FAM241A: variants seen among roughly 807,000 people sequenced by gnomAD.
FAM241A encodes the protein uncharacterized protein FAM241A.
Under a neutral mutation model 12.2 loss-of-function variants are expected in FAM241A, and 7 were observed. The observed-to-expected ratio is 0.58, with a 90% CI of 0.33 to 1.08. The LOEUF (loss-of-function observed/expected upper bound fraction) is 1.08. Among genes scored for constraint, FAM241A ranks in the 50% least tolerant of loss-of-function variants. The pLI is 0.04. For missense variants in FAM241A, 161 were observed against 169.7 expected (o/e 0.95, Z 0.29); for synonymous variants, 74 against 68.2 (o/e 1.08, Z -0.42).
chr4:112,151,350 AG>A (rs1169132336), intron 1 of FAM241A, among the ~76,000 whole-genome samples: 1 of 152,190 alleles, frequency 6.6e-6, no homozygotes, highest in African/African-American at 2.4e-5. Context: ...AGGAGATGCC[AG>A]CACTATGTTT....
At chr4:112,170,886 GAAAA>G (rs34674981) in intron 1 of FAM241A, among the ~76,000 whole-genome samples, 5 of 132,736 alleles carry the variant, frequency 3.8e-5, no homozygotes, top group Non-Finnish European at 4.8e-5. Flanking sequence ...TTAAAAATAG[GAAAA>G]AAAAAAAAAA....
chr4:112,178,742 T>C (rs932566041), intron 1 of FAM241A, among the ~76,000 whole-genome samples: 16 of 152,110 alleles, frequency 1.1e-4, no homozygotes, highest in African/African-American at 3.9e-4. Flanking sequence ...ACTATACATC[T>C]GACAGAGGTC....
intron 1 of FAM241A, chr4:112,171,275 C>A (rs904866179): frequency 2.7e-6 from 2 of 753,440 alleles, no homozygotes; most frequent in African/African-American, 3.4e-5. Context: ...AGCACCAACC[C>A]CACAAAATGA....
At chr4:112,162,663 C>T (rs7690225) in intron 1 of FAM241A, among the ~76,000 whole-genome samples, 14,000 of 152,066 alleles carry the variant, frequency 0.092, 779 homozygotes, top group African/African-American at 0.15. Flanking sequence ...TAAAAGAGGA[C>T]ACAACCAAAT....
At chr4:112,179,716 T>A (rs1241172446) in intron 1 of FAM241A, among the ~76,000 whole-genome samples, 1 of 135,352 alleles carries the variant, frequency 7.4e-6, no homozygotes, top group Non-Finnish European at 1.6e-5. Context: ...ATAAAATATA[T>A]ATATATATTA....
At chr4:112,162,277 C>T (rs1247631523) in intron 1 of FAM241A, among the ~76,000 whole-genome samples, 2 of 152,172 alleles carry the variant, frequency 1.3e-5, no homozygotes, top group Non-Finnish European at 2.9e-5. Context: ...TCTCACCACT[C>T]CTATTCAACA....
In FAM241A at chr4:112,193,191, G is replaced by C. The variant is rs1578383533; in HGVS notation, c.*6253G>C. The C allele has an allele frequency of 6.6e-6, 1 of 151,038 alleles. No individual in the cohort carries two copies. The highest frequency in any genetic ancestry group is 1.5e-5 in the Non-Finnish European group (1 of 67,508). The allele number at this position is 151,038 out of a possible 1,614,324, so 9.4% of individuals were successfully genotyped here. ...TGTCCTTTGCCCACTTTTTGATGGG[G>C]TTGTTTGTTTTTTTCTTGTAAATTT... On this transcript the variant is annotated 3_prime_UTR_variant, in exon 2 of 2. Transcript: ENST00000309733.
At chr4:112,149,904 TTTTA>T (rs1379525859) in intron 1 of FAM241A, among the ~76,000 whole-genome samples, 1 of 152,146 alleles carries the variant, frequency 6.6e-6, no homozygotes, top group Non-Finnish European at 1.5e-5. Context: ...TACTTTATAA[TTTTA>T]TTTATGTTTT....
At chr4:112,176,352 A>G (rs192358224) in intron 1 of FAM241A, among the ~76,000 whole-genome samples, 42 of 152,332 alleles carry the variant, frequency 2.8e-4, no homozygotes, top group African/African-American at 8.4e-4. Flanking sequence ...GTGCTTATTC[A>G]AAAAGGTTTT....
intron 1 of FAM241A, among the ~76,000 whole-genome samples, chr4:112,160,703 C>G (rs1470042465): frequency 6.6e-6 from 1 of 152,130 alleles, no homozygotes. Context: ...GGCATAAAAA[C>G]AGACACATAG....
intron 1 of FAM241A, among the ~76,000 whole-genome samples, chr4:112,166,362 T>C (rs1006729816): frequency 3.9e-5 from 6 of 152,106 alleles, no homozygotes; most frequent in Non-Finnish European, 5.9e-5. Flanking sequence ...AAATGTTTTT[T>C]AAAAGTACAT....
At chr4:112,150,774 C>G (rs2110419135) in intron 1 of FAM241A, among the ~76,000 whole-genome samples, 2 of 152,336 alleles carry the variant, frequency 1.3e-5, no homozygotes, top group Middle Eastern at 6.8e-3. Flanking sequence ...TAACTAACCT[C>G]TCTGGGCTGC....
chr4:112,153,106 G>C (rs1393522008), intron 1 of FAM241A, among the ~76,000 whole-genome samples: 1 of 152,160 alleles, frequency 6.6e-6, no homozygotes, highest in Non-Finnish European at 1.5e-5. Flanking sequence ...AAAGTGTTAA[G>C]ATTGTGAAAC....
At chr4:112,157,046 A>G (rs1013957935) in intron 1 of FAM241A, among the ~76,000 whole-genome samples, 3 of 152,178 alleles carry the variant, frequency 2.0e-5, no homozygotes, top group Non-Finnish European at 2.9e-5. Flanking sequence ...TTCAATTGTG[A>G]CAATGTTAAA....
chr4:112,166,685 A>G (rs1429756511), intron 1 of FAM241A, among the ~76,000 whole-genome samples: 1 of 152,190 alleles, frequency 6.6e-6, no homozygotes, highest in Non-Finnish European at 1.5e-5. Flanking sequence ...CTGGAGTCTA[A>G]TAGCACCCAC....
chr4:112,179,914 G>GACATATATAT (rs1479640205), intron 1 of FAM241A, among the ~76,000 whole-genome samples: 1,311 of 117,692 alleles, frequency 0.011, 33 homozygotes, highest in African/African-American at 0.018. Context: ...AAGAAAATGT[G>GACATATATAT]ATATATATAT....
chr4:112,154,104 G>A (rs570597464), intron 1 of FAM241A, among the ~76,000 whole-genome samples: 2 of 152,156 alleles, frequency 1.3e-5, no homozygotes, highest in African/African-American at 4.8e-5. Flanking sequence ...CAGTCTGACT[G>A]AATTGAGGAT....
chr4:112,158,715 A>T (rs1723403335), intron 1 of FAM241A, among the ~76,000 whole-genome samples: 1 of 152,082 alleles, frequency 6.6e-6, no homozygotes, highest in Non-Finnish European at 1.5e-5. Context: ...ATTGCTATTG[A>T]TATATAATAT....
intron 1 of FAM241A, among the ~76,000 whole-genome samples, chr4:112,175,397 T>A (rs1723798900): frequency 1.3e-5 from 2 of 152,210 alleles, no homozygotes; most frequent in South Asian, 4.1e-4. Context: ...AACCTGTCTC[T>A]TTTTCAATAG....
Sources: gnomAD v4.1 joint callset for allele counts (sites outside exome capture counted in the v4.1 genomes callset) on GRCh38, gnomAD v4.1.1 for gene constraint, MANE v1.5 for transcripts, NCBI Gene and HGNC (gene_info 2026-07-23, HGNC 2026-07-21) for gene names.